The following GPC5 variants were observed in gnomAD, a reference collection of about 807,000 sequenced individuals.
GPC5 encodes glypican-5.
Under a neutral mutation model 53.9 loss-of-function variants are expected in GPC5, and 47 were observed. The ratio of observed to expected loss-of-function variants is 0.87; its 90% CI spans 0.69 to 1.11. The LOEUF is 1.11. Ranked by LOEUF, GPC5 falls within the 50% of genes most tolerant of loss-of-function variation. The pLI is 0.00. For missense variants in GPC5, 748 were observed against 713.1 expected (o/e 1.05, Z -0.56); for synonymous variants, 286 against 263.3 (o/e 1.09, Z -0.84).
intron 6 of GPC5, among the ~76,000 whole-genome samples, chr13:92,049,326 T>A (rs1209525010): frequency 6.6e-6 from 1 of 152,172 alleles, no homozygotes; most frequent in African/African-American, 2.4e-5. Flanking sequence ...TATCACTATC[T>A]GACCTTATAT....
intron 7 of GPC5, among the ~76,000 whole-genome samples, chr13:92,227,597 C>T (rs552924969): frequency 9.9e-5 from 15 of 152,024 alleles, no homozygotes; most frequent in Non-Finnish European, 2.1e-4. Context: ...GACAGAAAAA[C>T]GAAACTTGGT....
chr13:91,407,358 T>G (rs1450381353), intron 1 of GPC5, among the ~76,000 whole-genome samples: 2 of 152,172 alleles, frequency 1.3e-5, no homozygotes, highest in East Asian at 3.8e-4. Flanking sequence ...AGACAAAGGT[T>G]TAGAAAGGAG....
intron 7 of GPC5, among the ~76,000 whole-genome samples, chr13:92,344,333 A>G (rs9589513): frequency 0.29 from 43,359 of 151,908 alleles, 6,392 homozygotes; most frequent in South Asian, 0.4. Flanking sequence ...CCATGATTCA[A>G]TTACCTCCCA....
At chr13:91,923,424 T>TA (rs1431549353) in intron 6 of GPC5, among the ~76,000 whole-genome samples, 26 of 152,182 alleles carry the variant, frequency 1.7e-4, no homozygotes, top group African/African-American at 5.8e-4. Flanking sequence ...CAGGCTGACT[T>TA]ATGAGAGGAA....
intron 7 of GPC5, among the ~76,000 whole-genome samples, chr13:92,620,452 G>A (rs373367631): frequency 5.9e-5 from 9 of 152,046 alleles, no homozygotes; most frequent in East Asian, 5.8e-4. Flanking sequence ...ATTCCACCAG[G>A]TTTTTTGTTT....
At chr13:91,472,378 T>G (rs969454764) in intron 2 of GPC5, among the ~76,000 whole-genome samples, 57 of 152,184 alleles carry the variant, frequency 3.7e-4, no homozygotes, top group Non-Finnish European at 1.0e-4. Flanking sequence ...TTTTGCTACT[T>G]TAGACAGTTT....
At chr13:91,880,595 A>G (rs1191415420) in intron 5 of GPC5, among the ~76,000 whole-genome samples, 1 of 152,064 alleles carries the variant, frequency 6.6e-6, no homozygotes, top group Non-Finnish European at 1.5e-5. Flanking sequence ...TAATATTCTC[A>G]CTCGTCAGAC....
chr13:92,132,859 G>A (rs888254232), intron 6 of GPC5, among the ~76,000 whole-genome samples: 1 of 152,058 alleles, frequency 6.6e-6, no homozygotes, highest in African/African-American at 2.4e-5. Flanking sequence ...GAATGAAATT[G>A]AAATAAATAT....
intron 6 of GPC5, among the ~76,000 whole-genome samples, chr13:92,136,549 A>G (rs1797242639): frequency 6.6e-6 from 1 of 152,214 alleles, no homozygotes; most frequent in Admixed American, 6.5e-5. Context: ...TTACATTTGA[A>G]TGGGTGACTA....
intron 7 of GPC5, among the ~76,000 whole-genome samples, chr13:92,623,400 G>A (rs150328329): frequency 6.6e-6 from 1 of 152,308 alleles, no homozygotes; most frequent in East Asian, 1.9e-4. Flanking sequence ...GAACAGCTGT[G>A]AGGGCTGTAG....
chr13:91,572,709 T>C (rs750663764), intron 2 of GPC5, among the ~76,000 whole-genome samples: 3 of 152,022 alleles, frequency 2.0e-5, no homozygotes, highest in Non-Finnish European at 4.4e-5. Flanking sequence ...ACCTCAAACA[T>C]TGAGGGGTCA....
intron 7 of GPC5, among the ~76,000 whole-genome samples, chr13:92,176,007 C>T (rs184359181): frequency 2.6e-5 from 4 of 152,312 alleles, no homozygotes; most frequent in Admixed American, 6.5e-5. Context: ...TAGCCAGAAA[C>T]ATGCTTTACC....
chr13:92,242,852 T>C (rs1456190887), intron 7 of GPC5, among the ~76,000 whole-genome samples: 1 of 152,186 alleles, frequency 6.6e-6, no homozygotes, highest in Non-Finnish European at 1.5e-5. Context: ...AATGTCCTTA[T>C]AGCCAACAAT....
rs115644242 is a variant in GPC5 at position 91,694,290 on chromosome 13, A to G, written c.1020+409A>G. ...GCATTATGTGTGCAAACTACTTAGTATGGTACCTGGTACTCCAAAAATGGG... is the reference window on the plus strand; with the variant it reads ...GCATTATGTGTGCAAACTACTTAGTGTGGTACCTGGTACTCCAAAAATGGG... On this transcript the variant is annotated intron_variant, in intron 3 of 7. Transcript: ENST00000377067. 2.1e-3 allele frequency among the ~76,000 whole-genome samples: 321 copies of G among 152,320 alleles called. 2 individuals carry two copies. The highest frequency in any genetic ancestry group is 7.4e-3 in the African/African-American group (308 of 41,574).
chr13:91,611,143 A>G (rs778768437), intron 2 of GPC5, among the ~76,000 whole-genome samples: 1 of 152,228 alleles, frequency 6.6e-6, no homozygotes, highest in Non-Finnish European at 1.5e-5. Flanking sequence ...ATGAGGGCAT[A>G]TGACATTGAG....
intron 7 of GPC5, among the ~76,000 whole-genome samples, chr13:92,669,575 T>C (rs1886680172): frequency 6.6e-6 from 1 of 152,178 alleles, no homozygotes; most frequent in Admixed American, 6.6e-5. Flanking sequence ...CATGGAGCCA[T>C]GATGGCTACC....
At chr13:92,781,318 A>G (rs1165748652) in intron 7 of GPC5, among the ~76,000 whole-genome samples, 3 of 152,086 alleles carry the variant, frequency 2.0e-5, no homozygotes, top group Non-Finnish European at 2.9e-5. Context: ...GAACAGGTTT[A>G]CTCTGTGTGA....
chr13:92,849,124 C>T (rs968178188), intron 7 of GPC5, among the ~76,000 whole-genome samples: 4 of 149,746 alleles, frequency 2.7e-5, no homozygotes, highest in Admixed American at 6.6e-5. Context: ...TACACACCTC[C>T]AGTTAAGAAC....
intron 6 of GPC5, among the ~76,000 whole-genome samples, chr13:91,944,265 T>G (rs1478117918): frequency 6.6e-6 from 1 of 151,970 alleles, no homozygotes; most frequent in Non-Finnish European, 1.5e-5. Context: ...CCAGCTAATT[T>G]TTTTGTATTT....
Sources: gnomAD v4.1 joint callset for allele counts (sites outside exome capture counted in the v4.1 genomes callset) on GRCh38, gnomAD v4.1.1 for gene constraint, MANE v1.5 for transcripts, NCBI Gene and HGNC (gene_info 2026-07-23, HGNC 2026-07-21) for gene names.